Variants in PCDHAC1 observed in about 807,000 individuals in gnomAD.
PCDHAC1 encodes the protein protocadherin alpha subfamily C, 1.
Under a neutral mutation model 60.0 loss-of-function variants are expected in PCDHAC1, and 42 were observed. The ratio of observed to expected loss-of-function variants is 0.70; its 90% CI spans 0.55 to 0.90. The LOEUF is 0.90. Ranked by LOEUF, PCDHAC1 falls within the 40% of genes least tolerant of loss-of-function variation. The pLI is 0.00. For missense variants in PCDHAC1, 1,160 were observed against 1,222.3 expected (o/e 0.95, Z 0.76); for synonymous variants, 468 against 499.3 (o/e 0.94, Z 0.84).
chr5:140,970,078 A>G (rs1260486106), intron 1 of PCDHAC1, among the ~76,000 whole-genome samples: 2 of 152,124 alleles, frequency 1.3e-5, no homozygotes, highest in African/African-American at 4.8e-5. Context: ...TGAGTGGATT[A>G]GGGGTGTGGG....
intron 1 of PCDHAC1, chr5:140,966,383 C>T: frequency 2.5e-6 from 1 of 405,022 alleles, no homozygotes; most frequent in East Asian, 3.6e-5. Context: ...TCCGGGTTCG[C>T]TGTCCGCCAC....
chr5:140,982,795 A>ATGTG (rs60616196), intron 3 of PCDHAC1, among the ~76,000 whole-genome samples: 1 of 151,628 alleles, frequency 6.6e-6, no homozygotes, highest in African/African-American at 2.4e-5. Context: ...GCATGTGTGC[A>ATGTG]TGTGTGTGTG....
rs148820707 is a variant in PCDHAC1, at chr5:140,954,545, G to A, written c.2434-24404G>A. ...AGTGATGTTGAGGTTTTTTTCATAT[G>A]TTTGTTGGCTGCATGACTGTCTTCT... On this transcript the variant is annotated intron_variant, in intron 1 of 3. Coordinates refer to ENST00000253807, the MANE Select transcript of PCDHAC1 (RefSeq NM_018898.5). 4.6e-3 allele frequency among the ~76,000 whole-genome samples: 702 copies of A among 152,204 alleles called. 2 individuals are homozygous for A. The highest frequency in any genetic ancestry group is 0.016 in the African/African-American group (679 of 41,554).
At chr5:140,994,081 G>A (rs147535219) in intron 3 of PCDHAC1, among the ~76,000 whole-genome samples, 2 of 152,260 alleles carry the variant, frequency 1.3e-5, no homozygotes, top group Admixed American at 6.5e-5. Flanking sequence ...AGGGAGAAAT[G>A]TAAAGAAATA....
At chr5:140,959,614 G>T (rs1175211325) in intron 1 of PCDHAC1, among the ~76,000 whole-genome samples, 1 of 152,024 alleles carries the variant, frequency 6.6e-6, no homozygotes, top group African/African-American at 2.4e-5. Context: ...TTTCTTGCTT[G>T]TGATAGAAAA....
chr5:140,965,036 G>A (rs568573122), intron 1 of PCDHAC1, among the ~76,000 whole-genome samples: 1 of 152,272 alleles, frequency 6.6e-6, no homozygotes, highest in African/African-American at 2.4e-5. Context: ...TTAACTGTCC[G>A]CTCTAGGAGG....
chr5:140,967,340 C>G, intron 1 of PCDHAC1: 1 of 1,607,862 alleles, frequency 6.2e-7, no homozygotes. Flanking sequence ...CCCCAGCGAG[C>G]ACTTCGAGCT....
intron 1 of PCDHAC1, among the ~76,000 whole-genome samples, chr5:140,952,338 CA>C (rs55931446): frequency 8.7e-4 from 117 of 135,030 alleles, no homozygotes; most frequent in South Asian, 1.2e-3. Flanking sequence ...AACTCCATCT[CA>C]AAAAAAAAAA....
chr5:141,003,715 G>A (rs561348265), intron 3 of PCDHAC1, among the ~76,000 whole-genome samples: 21 of 152,240 alleles, frequency 1.4e-4, no homozygotes, highest in African/African-American at 2.2e-4. Flanking sequence ...TGAAGATATC[G>A]GCTAATCCAA....
Position 141,012,272 on chromosome 5 carries a change from C to G in PCDHAC1, c.*2335C>G, listed in dbSNP as rs186406635. On this transcript the variant is annotated 3_prime_UTR_variant, in exon 4 of 4. Transcript: ENST00000253807. ...TTACAGCTGTAAGGATAAAACACGTCATGTGGATTCATTTTGAATTGGTGC... is the reference window on the plus strand; with the variant it reads ...TTACAGCTGTAAGGATAAAACACGTGATGTGGATTCATTTTGAATTGGTGC... 3.3e-4 allele frequency: 51 copies of G among 153,858 alleles called. No individual in the cohort carries two copies. In the East Asian group the frequency reaches 6.6e-3, roughly 20 times the overall value. 9.5% of individuals were successfully genotyped at this position (153,858 alleles called of 1,614,324 possible). A position where few individuals can be genotyped will look rare whatever the true frequency, so the allele number is the denominator to read the frequency against.
intron 1 of PCDHAC1, chr5:140,968,123 C>A: frequency 6.2e-7 from 1 of 1,614,178 alleles, no homozygotes; most frequent in Non-Finnish European, 8.5e-7. Context: ...CACATCCCTG[C>A]GTACACTGAA....
intron 1 of PCDHAC1, among the ~76,000 whole-genome samples, chr5:140,941,281 C>G (rs12652617): frequency 1.4e-5 from 1 of 69,002 alleles, no homozygotes. Flanking sequence ...TTCCTTCCTT[C>G]CTTTCTCTTT....
intron 3 of PCDHAC1, 123 bp from the exon 4 acceptor site, chr5:141,009,504 A>G: frequency 1.3e-6 from 2 of 1,497,074 alleles, no homozygotes; most frequent in Non-Finnish European, 1.8e-6. Flanking sequence ...ACTTGAACAA[A>G]CAACTCGTGA....
chr5:140,995,245 A>G (rs2097671494), intron 3 of PCDHAC1, among the ~76,000 whole-genome samples: 1 of 152,194 alleles, frequency 6.6e-6, no homozygotes, highest in African/African-American at 2.4e-5. Flanking sequence ...ATTAAGTAAA[A>G]TAAGGGTACT....
At chr5:140,989,555 T>G (rs923190578) in intron 3 of PCDHAC1, among the ~76,000 whole-genome samples, 1 of 152,204 alleles carries the variant, frequency 6.6e-6, no homozygotes, top group African/African-American at 2.4e-5. Flanking sequence ...CCTTTACGTT[T>G]TGTGGCTCCG....
intron 3 of PCDHAC1, among the ~76,000 whole-genome samples, chr5:141,002,404 C>T (rs1167193365): frequency 2.0e-5 from 3 of 152,200 alleles, no homozygotes; most frequent in African/African-American, 7.2e-5. Context: ...CTCTGTGCCT[C>T]CCAAATAGTA....
intron 1 of PCDHAC1, chr5:140,967,316 A>G (rs368129984): frequency 4.3e-6 from 7 of 1,610,310 alleles, no homozygotes; most frequent in African/African-American, 4.0e-5. Context: ...CTCAGTACAG[A>G]CCTACGAGCT....
intron 1 of PCDHAC1, among the ~76,000 whole-genome samples, chr5:140,939,296 C>T (rs2153640792): frequency 6.6e-6 from 1 of 152,210 alleles, no homozygotes; most frequent in South Asian, 2.1e-4. Flanking sequence ...CTAATCATCT[C>T]TACAAAAGCC....
At position 140,987,235 on chromosome 5, in the gene PCDHAC1, T is replaced by G. The variant is rs189203030; in HGVS notation, c.2581+4672T>G. Among the ~76,000 whole-genome samples, 565 of 151,370 alleles carry G rather than the reference T, an allele frequency of 3.7e-3. 4 individuals are homozygous for G. The highest frequency in any genetic ancestry group is 0.013 in the African/African-American group (539 of 41,236). On this transcript the variant is annotated intron_variant, in intron 3 of 3. Transcript: ENST00000253807. Reference sequence around the variant, plus strand: ...TCTCAAAAAAAAAAAAAATAATAAATAAAGAAAGAAAGACATTCTCAGGAA... The same window carrying G: ...TCTCAAAAAAAAAAAAAATAATAAAGAAAGAAAGAAAGACATTCTCAGGAA...
Sources: gnomAD v4.1 joint callset for allele counts (sites outside exome capture counted in the v4.1 genomes callset) on GRCh38, gnomAD v4.1.1 for gene constraint, MANE v1.5 for transcripts, NCBI Gene and HGNC (gene_info 2026-07-23, HGNC 2026-07-21) for gene names.